The following PCCA variants were observed in gnomAD, a reference collection of about 807,000 sequenced individuals.
PCCA encodes propionyl-CoA carboxylase subunit alpha, also known as propionyl-CoA carboxylase alpha chain, mitochondrial.
PCCA carries 74 observed loss-of-function variants against 101.3 expected under a neutral mutation model. The ratio of observed to expected loss-of-function variants is 0.73; its 90% CI spans 0.61 to 0.89. The LOEUF is 0.89. PCCA is among the 40% of genes least tolerant of loss of function. PCCA has a pLI of 0.00. For missense variants in PCCA, 891 were observed against 907.0 expected, an observed-to-expected ratio of 0.98 and a Z score of 0.23; for synonymous variants, 294 against 313.6, an observed-to-expected ratio of 0.94 and a Z score of 0.66.
At chr13:100,410,997 C>A (rs927502467) in intron 19 of PCCA, among the ~76,000 whole-genome samples, 3 of 152,004 alleles carry the variant, frequency 2.0e-5, no homozygotes, top group African/African-American at 7.2e-5. Context: ...CACTGTCTGT[C>A]TTTGAAGGGA....
intron 7 of PCCA, among the ~76,000 whole-genome samples, chr13:100,229,637 G>GT (rs1293099358): frequency 1.3e-5 from 2 of 152,044 alleles, no homozygotes; most frequent in African/African-American, 4.8e-5. Flanking sequence ...CTTTTAAAAA[G>GT]TTCTATGTTG....
intron 18 of PCCA, among the ~76,000 whole-genome samples, chr13:100,347,700 A>C (rs765825285): frequency 6.6e-6 from 1 of 152,196 alleles, no homozygotes; most frequent in Non-Finnish European, 1.5e-5. Context: ...CTTATTTTTT[A>C]ACTCATTATC....
In PCCA at chr13:100,530,422, A is replaced by G; in HGVS notation, c.*256A>G. ...TGTCAAAATTAAATCAATAAAACTG[A>G]GCATTTGTCTAAATATTAGTTTGCC... On this transcript the variant is annotated 3_prime_UTR_variant, in exon 24 of 24. Transcript: ENST00000376285. 1.7e-6 allele frequency: 1 copy of G among 573,414 alleles called. No individual in the cohort carries two copies. The highest frequency in any genetic ancestry group is 3.1e-6 in the Non-Finnish European group (1 of 320,418). The allele number at this position is 573,414 out of a possible 1,614,324, so 35.5% of individuals were successfully genotyped here. A position where few individuals can be genotyped will look rare whatever the true frequency, so the allele number is the denominator to read the frequency against.
intron 20 of PCCA, among the ~76,000 whole-genome samples, chr13:100,427,743 A>G (rs1051685507): frequency 2.0e-5 from 3 of 152,158 alleles, no homozygotes; most frequent in South Asian, 2.1e-4. Flanking sequence ...AAAAAAAAAA[A>G]AAAGGTAAGG....
intron 12 of PCCA, among the ~76,000 whole-genome samples, chr13:100,288,579 C>A (rs1372291494): frequency 6.6e-6 from 1 of 152,170 alleles, no homozygotes; most frequent in Non-Finnish European, 1.5e-5. Flanking sequence ...GGGCACCCGG[C>A]GATACATTGT....
Position 100,127,876 on chromosome 13 carries a change from A to G in PCCA, c.300+15815A>G, listed in dbSNP as rs577060695. Among the ~76,000 whole-genome samples, 4 of 152,284 alleles carry G rather than the reference A, an allele frequency of 2.6e-5. No individual in the cohort carries two copies. In the South Asian group the frequency reaches 8.3e-4, roughly 32 times the overall value. On this transcript the variant is annotated intron_variant, in intron 4 of 23. Transcript: ENST00000376285. ...CACTGCACTTCAGCCTGGGCGACAG[A>G]GCTAGACTCCGTCTCAAAAAACAAA...
chr13:100,332,836 C>T (rs751178290), intron 17 of PCCA, among the ~76,000 whole-genome samples: 39 of 152,156 alleles, frequency 2.6e-4, no homozygotes, highest in Non-Finnish European at 8.8e-5. Context: ...AATTGGCATA[C>T]ATTGCTTTTA....
chr13:100,252,381 G>A lies in PCCA; in HGVS notation c.638-5214G>A, dbSNP rs550314628. On this transcript the variant is annotated intron_variant, in intron 8 of 23. Transcript: ENST00000376285. The stretch of plus-strand genomic sequence containing the variant: ...TGAGAGATTTCTGATTAGTACCGCT[G>A]GATTAGGAATAAGACATTTTCTAAG... 9.2e-5 allele frequency among the ~76,000 whole-genome samples: 14 copies of A among 152,028 alleles called. No individual in the cohort carries two copies. The South Asian group carries it at 2.3e-3, about 25-fold the overall frequency.
intron 1 of PCCA, among the ~76,000 whole-genome samples, chr13:100,101,337 T>G (rs1425795016): frequency 6.6e-6 from 1 of 152,208 alleles, no homozygotes; most frequent in Non-Finnish European, 1.5e-5. Context: ...AGCCTCAGCC[T>G]GTGACCTTTG....
chr13:100,527,863 T>C, intron 23 of PCCA, 111 bp downstream of exon 23: 1 of 815,740 alleles, frequency 1.2e-6, no homozygotes, highest in Non-Finnish European at 2.1e-6. Flanking sequence ...CCTCTCCCCC[T>C]CGCTTCTACA....
rs1254839791 is a variant in PCCA, at chr13:100,440,189, TATATATATATATATATATATAA to T, written c.1846-9061_1846-9040del. 9.8e-3 allele frequency among the ~76,000 whole-genome samples: 894 copies of T among 91,386 alleles called. 22 individuals carry two copies. The highest frequency in any genetic ancestry group is 0.053 in the African/African-American group (847 of 16,102). The allele number at this position is 91,386 out of a possible 152,430, so 60.0% of individuals were successfully genotyped here. On this transcript the variant is annotated intron_variant, in intron 20 of 23. Coordinates refer to ENST00000376285, the MANE Select transcript of PCCA (RefSeq NM_000282.4). ...ATATATATATATATATATATATATA[TATATATATATATATATATATAA>T]AACGTGATAACTTAAAATGCCCAGT...
At chr13:100,209,692 T>C (rs911670076) in intron 7 of PCCA, among the ~76,000 whole-genome samples, 1 of 152,106 alleles carries the variant, frequency 6.6e-6, no homozygotes, top group African/African-American at 2.4e-5. Flanking sequence ...AGTGCAATGA[T>C]GCAATCTCGG....
intron 20 of PCCA, among the ~76,000 whole-genome samples, chr13:100,433,267 C>G (rs1053294573): frequency 1.5e-4 from 23 of 152,166 alleles, no homozygotes; most frequent in Non-Finnish European, 2.6e-4. Context: ...CAGTTTCGTG[C>G]CATCTTTGTT....
chr13:100,475,967 T>C (rs969368836), intron 21 of PCCA, among the ~76,000 whole-genome samples: 1 of 152,242 alleles, frequency 6.6e-6, no homozygotes, highest in African/African-American at 2.4e-5. Context: ...TAAAACAAAC[T>C]TGACCCCCCA....
intron 16 of PCCA, among the ~76,000 whole-genome samples, chr13:100,312,368 C>T (rs946237788): frequency 2.0e-5 from 3 of 152,104 alleles, no homozygotes; most frequent in Admixed American, 6.6e-5. Flanking sequence ...GTGTCTCTGT[C>T]GAGAGTACCT....
chr13:100,410,248 T>C (rs528911225), intron 19 of PCCA, among the ~76,000 whole-genome samples: 1 of 152,328 alleles, frequency 6.6e-6, no homozygotes. Flanking sequence ...TGTTTTGTTT[T>C]GTTTTGTTTT....
intron 17 of PCCA, among the ~76,000 whole-genome samples, chr13:100,334,312 A>C (rs1460126317): frequency 6.6e-6 from 1 of 152,202 alleles, no homozygotes; most frequent in Non-Finnish European, 1.5e-5. Flanking sequence ...GAAAGTATTT[A>C]CTGTAAAGAA....
chr13:100,503,478 G>A (rs908106492), intron 21 of PCCA, among the ~76,000 whole-genome samples: 5 of 151,862 alleles, frequency 3.3e-5, no homozygotes, highest in South Asian at 4.2e-4. Flanking sequence ...CAACAAGAGC[G>A]AAACTCCATC....
chr13:100,197,972 C>G (rs2058222124), intron 6 of PCCA, among the ~76,000 whole-genome samples: 1 of 152,088 alleles, frequency 6.6e-6, no homozygotes. Context: ...TTGTTGGAAA[C>G]CAAAACTATT....
Sources: allele counts gnomAD v4.1 joint callset (sites outside exome capture counted in the v4.1 genomes callset), GRCh38; gene constraint gnomAD v4.1.1; transcripts MANE v1.5; gene names NCBI Gene and HGNC (gene_info 2026-07-23, HGNC 2026-07-21).